Variants in FRY observed in about 807,000 individuals in gnomAD.
FRY encodes protein furry homolog.
Under a neutral mutation model 348.4 loss-of-function variants are expected in FRY, and 128 were observed. The observed-to-expected ratio is 0.37, with a 90% CI of 0.32 to 0.43. The LOEUF (loss-of-function observed/expected upper bound fraction) is 0.43, where lower values mean the gene tolerates loss of function less well. Ranked by LOEUF, FRY falls within the 20% of genes least tolerant of loss-of-function variation. The pLI is 1.00. For missense variants in FRY, 2,736 were observed against 3,695.2 expected, an observed-to-expected ratio of 0.74 and a Z score of 6.73; for synonymous variants, 1,370 against 1,374.7, an observed-to-expected ratio of 1.00 and a Z score of 0.08.
At chr13:32,215,390 G>GA (rs1023452027) in intron 35 of FRY, among the ~76,000 whole-genome samples, 38 of 152,016 alleles carry the variant, frequency 2.5e-4, no homozygotes, top group African/African-American at 8.5e-4. Context: ...CATCTACCCT[G>GA]AAAAATGTAC....
intron 34 of FRY, among the ~76,000 whole-genome samples, chr13:32,211,287 G>A (rs532377386): frequency 1.6e-4 from 24 of 152,218 alleles, no homozygotes; most frequent in Non-Finnish European, 2.2e-4. Context: ...ACAAAACCCC[G>A]TCTCTACTAA....
intron 47 of FRY, among the ~76,000 whole-genome samples, chr13:32,244,769 C>G (rs759246329): frequency 3.3e-5 from 5 of 152,108 alleles, no homozygotes; most frequent in Non-Finnish European, 7.4e-5. Flanking sequence ...CTCTCGGTTT[C>G]TGTGTATATT....
At chr13:32,172,239 A>G (rs1366750230) in intron 18 of FRY, among the ~76,000 whole-genome samples, 1 of 151,588 alleles carries the variant, frequency 6.6e-6, no homozygotes, top group Non-Finnish European at 1.5e-5. Flanking sequence ...AGGGATGTGG[A>G]TAGGGTTGTG....
At position 32,295,751 on chromosome 13, in the gene FRY, G is replaced by C. The variant is rs1593866107; in HGVS notation, c.*291G>C. Reference sequence around the variant, plus strand: ...CGCTACTGAAGAAGTGACTTCCGTTGCATACCAAAGCCGACTACACTGAAC... The same window carrying C: ...CGCTACTGAAGAAGTGACTTCCGTTCCATACCAAAGCCGACTACACTGAAC... On this transcript the variant is annotated 3_prime_UTR_variant, in exon 61 of 61. Coordinates refer to ENST00000542859, the MANE Select transcript of FRY (RefSeq NM_023037.3). 1 of 508,042 alleles carries C rather than the reference G, an allele frequency of 2.0e-6. No individual in the cohort carries two copies. Among genetic ancestry groups the C allele is most frequent in the East Asian group, 3.4e-5 (1 of 29,030 alleles). 31.5% of individuals were successfully genotyped at this position (508,042 alleles called of 1,614,324 possible).
At chr13:32,139,230 A>G (rs1328868251) in intron 11 of FRY, among the ~76,000 whole-genome samples, 2 of 152,200 alleles carry the variant, frequency 1.3e-5, no homozygotes, top group Non-Finnish European at 2.9e-5. Context: ...CACAGCTTCA[A>G]AGATATACTT....
intron 46 of FRY, among the ~76,000 whole-genome samples, chr13:32,241,988 T>G (rs1042736579): frequency 6.6e-6 from 1 of 152,222 alleles, no homozygotes; most frequent in African/African-American, 2.4e-5. Context: ...GCTCACTTAT[T>G]ATTAACTGTG....
rs958209853 is a variant in FRY at position 32,274,898 on chromosome 13, T to C, written c.8193T>C (p.Asp2731=). The C allele has an allele frequency of 6.2e-6, 10 of 1,613,296 alleles. No homozygotes were observed. Among genetic ancestry groups the C allele is most frequent in the African/African-American group, 1.3e-5 (1 of 74,890 alleles). The change falls in exon 56 of 61, where the codon GAT becomes GAC. Residue 2731 remains aspartate (D), a synonymous_variant. Coordinates refer to ENST00000542859, the MANE Select transcript of FRY (RefSeq NM_023037.3). ...LTCDAASYLG[D]NLRGIGSKFV... ...GTGATGCAGCCAGTTACCTTGGAGA[T>C]AACCTCCGGGGAATCGGATCCAAAT...
chr13:32,265,711 G>A (rs1235116561), intron 54 of FRY, 95 bp downstream of exon 54: 17 of 1,235,376 alleles, frequency 1.4e-5, no homozygotes, highest in Non-Finnish European at 2.0e-5. Context: ...TGCACTGCTG[G>A]GACATCCTAA....
At chr13:32,284,470 T>C (rs919893056) in intron 58 of FRY, among the ~76,000 whole-genome samples, 4 of 152,220 alleles carry the variant, frequency 2.6e-5, no homozygotes, top group African/African-American at 9.6e-5. Flanking sequence ...GCCATATTCT[T>C]TCTCATATTG....
intron 2 of FRY, among the ~76,000 whole-genome samples, chr13:32,087,923 C>A (rs1875992202): frequency 6.6e-6 from 1 of 152,200 alleles, no homozygotes; most frequent in Admixed American, 6.5e-5. Flanking sequence ...TACTAATCAT[C>A]TTCATAGGCT....
At chr13:32,202,302 G>A in intron 30 of FRY, 54 bp from the exon 31 acceptor site, 1 of 1,316,918 alleles carries the variant, frequency 7.6e-7, no homozygotes, top group Non-Finnish European at 1.1e-6. Context: ...ATGCTCATGA[G>A]ATATCCAGCT....
chr13:32,183,947 G>A (rs1415442989), intron 24 of FRY, among the ~76,000 whole-genome samples: 1 of 151,962 alleles, frequency 6.6e-6, no homozygotes, highest in Non-Finnish European at 1.5e-5. Context: ...GACCAGGCTG[G>A]GCACATAGCA....
intron 46 of FRY, among the ~76,000 whole-genome samples, chr13:32,242,441 T>C (rs1278027521): frequency 2.6e-5 from 4 of 152,260 alleles, no homozygotes; most frequent in African/African-American, 9.6e-5. Flanking sequence ...TTTTTATTAA[T>C]AATTTTGAAC....
chr13:32,194,637 A>G (rs1450418042), intron 29 of FRY, among the ~76,000 whole-genome samples: 1 of 152,238 alleles, frequency 6.6e-6, no homozygotes, highest in African/African-American at 2.4e-5. Context: ...AGGGTGAACT[A>G]TAGCCCATCA....
At chr13:32,039,820 A>G (rs1331580254) in intron 1 of FRY, among the ~76,000 whole-genome samples, 2 of 152,238 alleles carry the variant, frequency 1.3e-5, no homozygotes, top group East Asian at 3.8e-4. Context: ...ATTTGTTGTC[A>G]TGTCAATTTA....
chr13:32,085,831 C>A (rs1875821885), intron 2 of FRY: 1 of 518,264 alleles, frequency 1.9e-6, no homozygotes, highest in African/African-American at 1.9e-5. Context: ...AGGTGCCTGT[C>A]CTGAGCTCTG....
chr13:32,283,484 C>T (rs781466185), intron 58 of FRY, among the ~76,000 whole-genome samples: 7 of 152,082 alleles, frequency 4.6e-5, no homozygotes, highest in Admixed American at 2.6e-4. Flanking sequence ...AAAAAGAAAA[C>T]GGGAAAGAGT....
chr13:32,198,558 G>A (rs1310308065), intron 29 of FRY, among the ~76,000 whole-genome samples: 1 of 152,152 alleles, frequency 6.6e-6, no homozygotes, highest in Non-Finnish European at 1.5e-5. Flanking sequence ...AGAAGTCTGG[G>A]CTCCACCACT....
Position 32,105,219 on chromosome 13 carries a change from G to A in FRY, c.324+3203G>A, listed in dbSNP as rs138494571. Among the ~76,000 whole-genome samples the A allele has an allele frequency of 5.3e-5, 8 of 152,322 alleles. No individual in the cohort carries two copies. The East Asian group carries it at 1.5e-3, about 29-fold the overall frequency. Reference sequence around the variant, plus strand: ...TTTCCCATGAGGGCCCCTCCCTTGTGAATGGGGTTAGGTGCTCTTATAAAA... The same window carrying A: ...TTTCCCATGAGGGCCCCTCCCTTGTAAATGGGGTTAGGTGCTCTTATAAAA... On this transcript the variant is annotated intron_variant, in intron 3 of 60. Transcript: ENST00000542859.
Sources: gnomAD v4.1 joint callset for allele counts (sites outside exome capture counted in the v4.1 genomes callset) on GRCh38, gnomAD v4.1.1 for gene constraint, MANE v1.5 for transcripts, NCBI Gene and HGNC (gene_info 2026-07-23, HGNC 2026-07-21) for gene names.